The following CHID1 variants were observed in gnomAD, a reference collection of about 807,000 sequenced individuals.
CHID1 encodes the protein chitinase domain-containing protein 1.
Under a neutral mutation model 55.4 loss-of-function variants are expected in CHID1, and 44 were observed. The observed-to-expected ratio is 0.79, with a 90% CI of 0.62 to 1.02. The LOEUF (loss-of-function observed/expected upper bound fraction) is 1.02, where lower values mean the gene tolerates loss of function less well. CHID1 is among the 50% of genes least tolerant of loss of function. CHID1 has a pLI of 0.00. For missense variants in CHID1, 491 were observed against 515.3 expected (o/e 0.95, Z 0.46); for synonymous variants, 216 against 212.9 (o/e 1.01, Z -0.13).
At chr11:903,638 A>G in intron 2 of CHID1, 1 of 212,790 alleles carries the variant, frequency 4.7e-6, no homozygotes, top group Non-Finnish European at 9.7e-6. Context: ...AAAATTAGCC[A>G]GGCATGGTGG....
At chr11:882,486 C>A (rs1421350398) in intron 10 of CHID1, 2 of 152,152 alleles carry the variant, frequency 1.3e-5, no homozygotes, top group African/African-American at 4.8e-5. Flanking sequence ...GCTAAGAGTA[C>A]GAATGCAGAC....
chr11:895,990 C>T (rs540542971), intron 7 of CHID1, among the ~76,000 whole-genome samples: 11 of 152,160 alleles, frequency 7.2e-5, no homozygotes, highest in Admixed American at 2.0e-4. Flanking sequence ...AGTGGCCACT[C>T]CGGCTCAGCA....
intron 1 of CHID1, chr11:908,069 G>A: frequency 6.6e-6 from 1 of 152,172 alleles, no homozygotes; most frequent in East Asian, 1.9e-4. Flanking sequence ...TGCATGCTTT[G>A]GTACCCAATA....
rs974387155 is a variant in CHID1, at chr11:870,364, A to G, written c.1040+55T>C. On this transcript the variant is annotated intron_variant, in intron 11 of 12. Transcript: ENST00000323578. ...CTGCTGCTCCCTCATCTCCACCCCC[A>G]GGGCCCCTCCCTGCACACAAGGCCA... The G allele has an allele frequency of 6.8e-6, 10 of 1,469,136 alleles. No individual in the cohort carries two copies. In the Admixed American group the frequency reaches 1.3e-4, roughly 18 times the overall value. The allele number at this position is 1,469,136 out of a possible 1,614,324, so 91.0% of individuals were successfully genotyped here.
chr11:885,822 GC>G (rs1850349035), intron 8 of CHID1, among the ~76,000 whole-genome samples: 1 of 152,146 alleles, frequency 6.6e-6, no homozygotes, highest in African/African-American at 2.4e-5. Flanking sequence ...GAACTTCTGG[GC>G]TCAAGCAATC....
intron 10 of CHID1, among the ~76,000 whole-genome samples, chr11:879,350 C>G (rs1849729282): frequency 6.6e-6 from 1 of 152,214 alleles, no homozygotes; most frequent in Non-Finnish European, 1.5e-5. Flanking sequence ...GCTAGGACCA[C>G]AGGCCTGAGC....
intron 10 of CHID1, among the ~76,000 whole-genome samples, chr11:870,951 G>T (rs1001689683): frequency 1.3e-5 from 2 of 150,694 alleles, no homozygotes; most frequent in East Asian, 3.9e-4. Flanking sequence ...GCAGTGCCTT[G>T]TACTGGGGAT....
chr11:883,145 C>T lies in CHID1; in HGVS notation c.959+3G>A, dbSNP rs755243507. On this transcript the variant is annotated splice_donor_region_variant and intron_variant, in intron 10 of 12. Coordinates refer to ENST00000323578, the MANE Select transcript of CHID1 (RefSeq NM_023947.4). Reference sequence around the variant, plus strand: ...AGCACGGCAGGGAGAGCCCTTGGCTCACCTGGCCCCGACAACAGGCTCACG... The same window carrying T: ...AGCACGGCAGGGAGAGCCCTTGGCTTACCTGGCCCCGACAACAGGCTCACG... The T allele has an allele frequency of 5.0e-6, 8 of 1,608,664 alleles. No individual in the cohort carries two copies. The East Asian group carries it at 6.7e-5, about 13-fold the overall frequency.
At chr11:889,707 G>T (rs761830051) in intron 8 of CHID1, among the ~76,000 whole-genome samples, 6 of 152,250 alleles carry the variant, frequency 3.9e-5, no homozygotes, top group Middle Eastern at 3.4e-3. Flanking sequence ...AGCCCTGAGG[G>T]AATGCCAGTC....
At position 900,094 on chromosome 11, in the gene CHID1, A is replaced by T; in HGVS notation, c.456T>A (p.Phe152Leu). 6.2e-7 allele frequency: 1 copy of T among 1,613,868 alleles called. No homozygotes were observed. The highest frequency in any genetic ancestry group is 8.5e-7 in the Non-Finnish European group (1 of 1,179,914). Residue 152 changes from phenylalanine (F) to leucine (L), a missense_variant, in exon 6 of 13, where the codon TTT becomes TTA. Transcript: ENST00000323578. Reference protein sequence around the residue: ...KGLHIVPRLLFEDWTYDDFRN... With the variant: ...KGLHIVPRLLLEDWTYDDFRN... ...GGAAATCATCGTAAGTCCAGTCCTC[A>T]AACAGGAGCCGAGGCACTGCAGGGG...
intron 8 of CHID1, 107 bp downstream of exon 8, chr11:893,320 G>C: frequency 1.2e-6 from 1 of 835,824 alleles, no homozygotes; most frequent in South Asian, 1.7e-5. Context: ...GATGAGGTTT[G>C]GGTGCTGAGC....
At chr11:902,357 G>A in intron 3 of CHID1, 27 bp from the exon 4 acceptor site, 1 of 1,603,634 alleles carries the variant, frequency 6.2e-7, no homozygotes, top group East Asian at 2.2e-5. Context: ...ACATCAGACG[G>A]AGGACAGGTG....
At chr11:882,027 CAG>C (rs971762665) in intron 10 of CHID1, among the ~76,000 whole-genome samples, 7 of 144,358 alleles carry the variant, frequency 4.8e-5, no homozygotes, top group African/African-American at 1.8e-4. Flanking sequence ...AAAAAGAAAA[CAG>C]AGAAAAAAGA....
chr11:892,081 C>T (rs1413581424), intron 8 of CHID1, among the ~76,000 whole-genome samples: 1 of 152,010 alleles, frequency 6.6e-6, no homozygotes, highest in Non-Finnish European at 1.5e-5. Context: ...CACCACTGCA[C>T]TCCAGCCTGG....
At chr11:879,774 G>C (rs906019974) in intron 10 of CHID1, among the ~76,000 whole-genome samples, 1 of 152,240 alleles carries the variant, frequency 6.6e-6, no homozygotes, top group Admixed American at 6.5e-5. Flanking sequence ...GGTGAGCAGA[G>C]CCCACAGCTG....
chr11:910,647 G>A (rs1201478852), intron 1 of CHID1, 128 bp downstream of exon 1: 24 of 1,267,946 alleles, frequency 1.9e-5, no homozygotes, highest in Non-Finnish European at 2.1e-5. Context: ...GCACCCGCCC[G>A]GCGTCGCCCG....
Position 891,960 on chromosome 11 carries a change from A to AC in CHID1, c.701+1466dup, listed in dbSNP as rs1565184215. On this transcript the variant is annotated intron_variant, in intron 8 of 12. Transcript: ENST00000323578. The stretch of plus-strand genomic sequence containing the variant: ...TTCCAAAAAAAAAAAAAAAAAAAAA[A>AC]CACAAATTAACTGGGTGTGGTGACA... Among the ~76,000 whole-genome samples, 5 of 137,078 alleles carry AC rather than the reference A, an allele frequency of 3.6e-5. 2 individuals are homozygous for AC. The highest frequency in any genetic ancestry group is 3.1e-5 in the Non-Finnish European group (2 of 64,510). The allele number at this position is 137,078 out of a possible 152,430, so 89.9% of individuals were successfully genotyped here. A position where few individuals can be genotyped will look rare whatever the true frequency, so the allele number is the denominator to read the frequency against.
At chr11:909,416 G>C (rs557525485) in intron 1 of CHID1, among the ~76,000 whole-genome samples, 7 of 152,372 alleles carry the variant, frequency 4.6e-5, no homozygotes, top group African/African-American at 1.7e-4. Context: ...AAACCGCTCT[G>C]TAACAAGATA....
At chr11:873,022 G>A (rs1031079707) in intron 10 of CHID1, among the ~76,000 whole-genome samples, 1 of 152,182 alleles carries the variant, frequency 6.6e-6, no homozygotes, top group African/African-American at 2.4e-5. Flanking sequence ...CATGACCAGG[G>A]CGCTGTCAGG....
Sources: allele counts gnomAD v4.1 joint callset (sites outside exome capture counted in the v4.1 genomes callset), GRCh38; gene constraint gnomAD v4.1.1; transcripts MANE v1.5; gene names NCBI Gene and HGNC (gene_info 2026-07-23, HGNC 2026-07-21).